Variants in DICER1 observed in about 807,000 individuals in gnomAD.
DICER1 encodes dicer 1, ribonuclease III, also known as endoribonuclease Dicer.
DICER1 carries 43 observed loss-of-function variants against 194.1 expected under a neutral mutation model. The ratio of observed to expected loss-of-function variants is 0.22; its 90% CI spans 0.17 to 0.29. The LOEUF is 0.29. Ranked by LOEUF, DICER1 falls within the 10% of genes least tolerant of loss-of-function variation. The pLI is 1.00. For synonymous variants in DICER1, 832 were observed against 820.5 expected (o/e 1.01, Z -0.24); for missense variants, 1,608 against 2,317.0 (o/e 0.69, Z 6.28).
At chr14:95,135,294 A>T (rs1254906049) in intron 1 of DICER1, among the ~76,000 whole-genome samples, 1 of 152,200 alleles carries the variant, frequency 6.6e-6, no homozygotes, top group Non-Finnish European at 1.5e-5. Flanking sequence ...TATTGAAGAC[A>T]TGGTAGAAGG....
chr14:95,111,532 A>C, intron 13 of DICER1, 76 bp from the exon 14 acceptor site: 1 of 1,483,580 alleles, frequency 6.7e-7, no homozygotes, highest in Non-Finnish European at 9.4e-7. Context: ...GAACAGAACT[A>C]TGTTAGAAGG....
chr14:95,149,135 C>A (rs1895341203), intron 1 of DICER1, among the ~76,000 whole-genome samples: 1 of 152,146 alleles, frequency 6.6e-6, no homozygotes, highest in Non-Finnish European at 1.5e-5. Flanking sequence ...CTACCCTCTA[C>A]CTTTACACCA....
At chr14:95,157,933 T>G (rs1896007510), upstream of DICER1, 1 of 152,134 alleles carries the variant, frequency 6.6e-6, no homozygotes, top group Admixed American at 6.5e-5. Flanking sequence ...TAAAGTACCT[T>G]CCCACTCGCC....
rs1161257077 is a variant in DICER1, at chr14:95,091,240, G to C, written c.5490C>G (p.Val1830=). The C allele has an allele frequency of 6.2e-7, 1 of 1,614,050 alleles. No homozygotes were observed. The highest frequency in any genetic ancestry group is 8.5e-7 in the Non-Finnish European group (1 of 1,180,030). The change falls in exon 25 of 27, where the codon GTC becomes GTG. Residue 1830 remains valine, a synonymous_variant. Transcript: ENST00000343455. ...GCATCATGGGATAGTACACCTGCCA[G>C]ACTGTCTCCAGTGACATCCCACTAT... ...YMDSGMSLET[V]WQVYYPMMRP... is the part of the protein sequence containing the mutation.
intron 8 of DICER1, among the ~76,000 whole-genome samples, chr14:95,120,573 T>C (rs1238452704): frequency 6.6e-6 from 1 of 152,180 alleles, no homozygotes; most frequent in Admixed American, 6.5e-5. Context: ...CAGAGCACCC[T>C]GTGGTATCAC....
intron 2 of DICER1, 102 bp downstream of exon 2, chr14:95,133,213 G>A: frequency 1.7e-6 from 2 of 1,161,652 alleles, no homozygotes; most frequent in Non-Finnish European, 2.6e-6. Context: ...AGAAGTGGGA[G>A]GCCTGAAAGG....
intron 22 of DICER1, among the ~76,000 whole-genome samples, chr14:95,097,758 T>C (rs1890491224): frequency 6.6e-6 from 1 of 152,230 alleles, no homozygotes; most frequent in African/African-American, 2.4e-5. Flanking sequence ...TATTTTAAAC[T>C]AGACTCAAGA....
intron 8 of DICER1, among the ~76,000 whole-genome samples, chr14:95,123,347 T>G (rs2140191640): frequency 6.6e-6 from 1 of 152,316 alleles, no homozygotes; most frequent in Admixed American, 6.5e-5. Flanking sequence ...CTCTTCTGAT[T>G]CACAAAATTT....
At position 95,116,511 on chromosome 14, in the gene DICER1, T is replaced by A. The variant is rs1342138544; in HGVS notation, c.1694A>T (p.Asp565Val). ...TTCAAAACTTTTTATTTTGTCTGTATCCGCTAACATTATATAATTAGAGAT... is the reference window on the plus strand; with the variant it reads ...TTCAAAACTTTTTATTTTGTCTGTAACCGCTAACATTATATAATTAGAGAT... ...APISNYIMLA[D>V]TDKIKSFEED... Residue 565 changes from aspartate to valine, a missense_variant, in exon 10 of 27, where the codon GAT becomes GTT. Transcript: ENST00000343455. The A allele has an allele frequency of 2.5e-6, 4 of 1,613,778 alleles. No homozygotes were observed. The highest frequency in any genetic ancestry group is 3.4e-6 in the Non-Finnish European group (4 of 1,179,868).
intron 1 of DICER1, among the ~76,000 whole-genome samples, chr14:95,143,051 C>T (rs1313390388): frequency 6.6e-6 from 1 of 152,128 alleles, no homozygotes; most frequent in African/African-American, 2.4e-5. Context: ...TCTCACAAAG[C>T]CCAAAATGCA....
At chr14:95,112,330 C>T (rs996607405) in intron 12 of DICER1, 83 bp from the exon 13 acceptor site, 8 of 1,116,866 alleles carry the variant, frequency 7.2e-6, no homozygotes, top group Middle Eastern at 3.9e-4. Context: ...AAACCACTGC[C>T]CCAACATTTT....
intron 11 of DICER1, among the ~76,000 whole-genome samples, chr14:95,113,601 G>A (rs974130754): frequency 6.6e-6 from 1 of 152,206 alleles, no homozygotes; most frequent in African/African-American, 2.4e-5. Flanking sequence ...AAAACATACT[G>A]CCAATGTTTT....
intron 4 of DICER1, among the ~76,000 whole-genome samples, chr14:95,130,782 G>A (rs1203842096): frequency 1.3e-5 from 2 of 152,120 alleles, no homozygotes; most frequent in African/African-American, 4.8e-5. Flanking sequence ...TAAGTTAGAG[G>A]AGCCTCCAGC....
At chr14:95,113,279 T>C (rs1180590852) in intron 11 of DICER1, 55 bp from the exon 12 acceptor site, 3 of 1,552,528 alleles carry the variant, frequency 1.9e-6, no homozygotes, top group African/African-American at 2.7e-5. Flanking sequence ...AATATTGATA[T>C]TTATAACCTC....
chr14:95,152,734 T>C (rs1019229935), intron 1 of DICER1, among the ~76,000 whole-genome samples: 2 of 152,246 alleles, frequency 1.3e-5, no homozygotes, highest in East Asian at 1.9e-4. Flanking sequence ...CAACAATTCA[T>C]TGACAATTTT....
intron 21 of DICER1, among the ~76,000 whole-genome samples, chr14:95,100,798 A>T (rs1388351218): frequency 6.6e-6 from 1 of 152,122 alleles, no homozygotes; most frequent in Non-Finnish European, 1.5e-5. Flanking sequence ...CCCCCATATG[A>T]GAGGCACTCG....
chr14:95,090,967 T>A, intron 26 of DICER1, 67 bp downstream of exon 26: 2 of 1,419,398 alleles, frequency 1.4e-6, no homozygotes, highest in Non-Finnish European at 2.0e-6. Flanking sequence ...GTTTACAATA[T>A]CTTTGTGAAC....
intron 23 of DICER1, among the ~76,000 whole-genome samples, chr14:95,094,943 T>C (rs1471647712): frequency 1.3e-5 from 2 of 152,212 alleles, no homozygotes; most frequent in African/African-American, 4.8e-5. Context: ...AGAACCCAGG[T>C]CTCGGAACTT....
Position 95,103,974 on chromosome 14 carries a change from G to C in DICER1, c.3422C>G (p.Ser1141Cys). ...NAAHQGANRT[S>C]SLENHDQMSV... ...CATTTGGTCATGATTTTCTAGAGAG[G>C]AGGTTCTATTAGCACCTTGATGTGC... The change falls in exon 21 of 27, where the codon TCC (serine) becomes TGC (cysteine). Residue 1141 changes from serine to cysteine, a missense_variant. Physicochemically the swap from Ser to Cys is moderately radical, Grantham distance 112 (BLOSUM62 -1). Transcript: ENST00000343455. The C allele has an allele frequency of 6.2e-7, 1 of 1,614,192 alleles. No homozygotes were observed. The highest frequency in any genetic ancestry group is 8.5e-7 in the Non-Finnish European group (1 of 1,180,028).
Sources: allele counts gnomAD v4.1 joint callset (sites outside exome capture counted in the v4.1 genomes callset), GRCh38; gene constraint gnomAD v4.1.1; transcripts MANE v1.5; gene names NCBI Gene and HGNC (gene_info 2026-07-23, HGNC 2026-07-21).